FTO: variants seen among roughly 807,000 people sequenced by gnomAD.
The protein encoded by FTO is FTO alpha-ketoglutarate dependent dioxygenase.
In FTO, 47 loss-of-function variants were observed where a neutral mutation model predicts 63.9. The ratio of observed to expected loss-of-function variants is 0.74; its 90% CI spans 0.58 to 0.94. The LOEUF is 0.94. Ranked by LOEUF, FTO falls within the 40% of genes least tolerant of loss-of-function variation. FTO has a pLI of 0.00. For missense variants in FTO, 562 were observed against 618.1 expected, an observed-to-expected ratio of 0.91 and a Z score of 0.96; for synonymous variants, 207 against 224.4, an observed-to-expected ratio of 0.92 and a Z score of 0.69.
chr16:53,941,083 C>T (rs900129862), intron 8 of FTO, among the ~76,000 whole-genome samples: 7 of 152,228 alleles, frequency 4.6e-5, no homozygotes, highest in Admixed American at 2.0e-4. Context: ...TCAACTAGCA[C>T]ACTGAGGTGT....
Position 53,910,787 on chromosome 16 carries a change from C to T in FTO, c.1239+21836C>T, listed in dbSNP as rs570713985. 4.6e-5 allele frequency among the ~76,000 whole-genome samples: 7 copies of T among 152,252 alleles called. No homozygotes were observed. In the South Asian group the frequency reaches 1.0e-3, roughly 23 times the overall value. ...CTGACCTCAGGGGATCCGCCTGCCT[C>T]GACGTCCCAAAGTGCTGGGATTACA... On this transcript the variant is annotated intron_variant, in intron 7 of 8. Coordinates refer to ENST00000471389, the MANE Select transcript of FTO (RefSeq NM_001080432.3).
intron 8 of FTO, among the ~76,000 whole-genome samples, chr16:54,041,378 A>AC (rs1270453885): frequency 6.6e-6 from 1 of 152,028 alleles, no homozygotes; most frequent in Non-Finnish European, 1.5e-5. Flanking sequence ...ATCACCTCCC[A>AC]CCACTCCCCT....
intron 1 of FTO, among the ~76,000 whole-genome samples, chr16:53,722,972 T>A (rs2076076458): frequency 6.6e-6 from 1 of 152,200 alleles, no homozygotes; most frequent in Non-Finnish European, 1.5e-5. Flanking sequence ...CTGAACCACC[T>A]ATGTGTCCCG....
At chr16:53,712,022 G>A (rs1018234316) in intron 1 of FTO, among the ~76,000 whole-genome samples, 1 of 152,192 alleles carries the variant, frequency 6.6e-6, no homozygotes, top group South Asian at 2.1e-4. Context: ...GAGACCAGGA[G>A]TTGGAGGTTA....
intron 4 of FTO, among the ~76,000 whole-genome samples, chr16:53,861,211 C>T (rs1384104064): frequency 6.6e-6 from 1 of 152,106 alleles, no homozygotes; most frequent in African/African-American, 2.4e-5. Context: ...ATGGTGTGGA[C>T]ATTTACACAG....
chr16:54,067,904 A>G (rs540307681), intron 8 of FTO, among the ~76,000 whole-genome samples: 4 of 152,160 alleles, frequency 2.6e-5, no homozygotes, highest in Non-Finnish European at 4.4e-5. Context: ...GTTTAAATGC[A>G]GGTCAGAGCA....
intron 3 of FTO, among the ~76,000 whole-genome samples, chr16:53,843,856 G>C (rs901870206): frequency 2.7e-5 from 4 of 150,376 alleles, no homozygotes; most frequent in Non-Finnish European, 3.0e-5. Flanking sequence ...TTGATTTCTT[G>C]CCCAGGCTGG....
chr16:53,825,364 T>C (rs893940204), intron 2 of FTO, among the ~76,000 whole-genome samples: 15 of 152,172 alleles, frequency 9.9e-5, no homozygotes, highest in Admixed American at 9.2e-4. Flanking sequence ...TGTGTGACTT[T>C]GGGCAAATTA....
intron 1 of FTO, among the ~76,000 whole-genome samples, chr16:53,750,216 CT>C (rs1158237520): frequency 6.6e-6 from 1 of 151,854 alleles, no homozygotes; most frequent in Non-Finnish European, 1.5e-5. Context: ...CTAAGAATGG[CT>C]TTTTTCTTTT....
At chr16:54,071,101 G>A (rs1440398627) in intron 8 of FTO, 1 of 152,198 alleles carries the variant, frequency 6.6e-6, no homozygotes, top group Non-Finnish European at 1.5e-5. Flanking sequence ...AGCCAGTACA[G>A]GCCAATTTAT....
At chr16:53,765,127 A>G (rs534851198) in intron 1 of FTO, among the ~76,000 whole-genome samples, 1 of 152,288 alleles carries the variant, frequency 6.6e-6, no homozygotes, top group African/African-American at 2.4e-5. Context: ...TGCTTCCCGC[A>G]TGTTCATTTT....
intron 8 of FTO, among the ~76,000 whole-genome samples, chr16:53,983,756 G>A (rs2083602400): frequency 6.6e-6 from 1 of 152,124 alleles, no homozygotes; most frequent in African/African-American, 2.4e-5. Context: ...GGTCTAAGAG[G>A]ACAACCAGCA....
chr16:53,810,703 T>C (rs1168255306), intron 2 of FTO, among the ~76,000 whole-genome samples: 1 of 152,164 alleles, frequency 6.6e-6, no homozygotes, highest in Non-Finnish European at 1.5e-5. Context: ...ACTGTTTCAA[T>C]TACAAATGAC....
Position 53,915,004 on chromosome 16 carries a change from C to T in FTO, c.1240-18981C>T, listed in dbSNP as rs200934642. 7.2e-5 allele frequency among the ~76,000 whole-genome samples: 11 copies of T among 152,288 alleles called. No homozygotes were observed. The East Asian group carries it at 2.1e-3, about 29-fold the overall frequency. ...GGAGAATGGGGGCCCCAAGCGTTCA[C>T]CAAGCTGAAGCAACTTATTGTAAAA... On this transcript the variant is annotated intron_variant, in intron 7 of 8. Coordinates refer to ENST00000471389, the MANE Select transcript of FTO (RefSeq NM_001080432.3).
intron 8 of FTO, among the ~76,000 whole-genome samples, chr16:54,085,084 T>G (rs1185284451): frequency 6.6e-6 from 1 of 152,222 alleles, no homozygotes; most frequent in South Asian, 2.1e-4. Context: ...GGAAATATTG[T>G]CAACGCTATT....
chr16:53,813,791 C>G (rs532828611), intron 2 of FTO, among the ~76,000 whole-genome samples: 75 of 152,288 alleles, frequency 4.9e-4, no homozygotes, highest in African/African-American at 1.7e-3. Context: ...CTCTCACATG[C>G]AATCCCCACA....
At chr16:53,970,298 A>G (rs1200995479) in intron 8 of FTO, among the ~76,000 whole-genome samples, 2 of 152,128 alleles carry the variant, frequency 1.3e-5, no homozygotes, top group African/African-American at 4.8e-5. Context: ...CTTGGGTGAA[A>G]AACAACAGGG....
At chr16:53,987,593 A>AAAAAG (rs1196730746) in intron 8 of FTO, among the ~76,000 whole-genome samples, 2 of 142,224 alleles carry the variant, frequency 1.4e-5, no homozygotes, top group African/African-American at 5.6e-5. Context: ...AAAAAAAAAA[A>AAAAAG]AAAAGAAAAG....
At chr16:53,895,946 T>A (rs941317301) in intron 7 of FTO, among the ~76,000 whole-genome samples, 1 of 152,192 alleles carries the variant, frequency 6.6e-6, no homozygotes, top group Non-Finnish European at 1.5e-5. Flanking sequence ...TAACCTTGTT[T>A]CTGTAGGATT....
Sources: allele counts gnomAD v4.1 joint callset (sites outside exome capture counted in the v4.1 genomes callset), GRCh38; gene constraint gnomAD v4.1.1; transcripts MANE v1.5; gene names NCBI Gene and HGNC (gene_info 2026-07-23, HGNC 2026-07-21).